PPFIA2: variants seen among roughly 807,000 people sequenced by gnomAD.
PPFIA2 encodes PPFI scaffold protein A2.
PPFIA2 carries 46 observed loss-of-function variants against 175.5 expected under a neutral mutation model. That is an observed-to-expected ratio of 0.26 (90% CI 0.21 to 0.34). PPFIA2 has a LOEUF of 0.34. Among genes scored for constraint, PPFIA2 ranks in the 10% least tolerant of loss-of-function variants. PPFIA2 has a pLI of 1.00. For missense variants in PPFIA2, 1,179 were observed against 1,506.1 expected (o/e 0.78, Z 3.60); for synonymous variants, 568 against 511.4 (o/e 1.11, Z -1.49).
chr12:81,273,430 CA>C (rs1203768130), intron 28 of PPFIA2, among the ~76,000 whole-genome samples: 6 of 152,104 alleles, frequency 3.9e-5, no homozygotes, highest in African/African-American at 1.4e-4. Context: ...CATAACCTCT[CA>C]AGTCTTGTCC....
intron 15 of PPFIA2, among the ~76,000 whole-genome samples, chr12:81,358,817 C>T (rs1430050743): frequency 1.3e-5 from 2 of 151,848 alleles, no homozygotes; most frequent in Non-Finnish European, 2.9e-5. Flanking sequence ...GGATATACTA[C>T]CAAAAGGATT....
chr12:81,347,890 CATCAA>C (rs2059335676), intron 17 of PPFIA2, 120 bp from the exon 18 acceptor site: 5 of 1,360,948 alleles, frequency 3.7e-6, no homozygotes, highest in Non-Finnish European at 4.8e-6. Context: ...GAACATTTTA[CATCAA>C]ATCTAATTTT....
intron 4 of PPFIA2, among the ~76,000 whole-genome samples, chr12:81,579,130 C>T (rs773899028): frequency 9.6e-4 from 146 of 151,786 alleles, no homozygotes; most frequent in South Asian, 1.0e-3. Flanking sequence ...TCTAATATTA[C>T]ATTTTTTGTA....
intron 7 of PPFIA2, among the ~76,000 whole-genome samples, chr12:81,410,600 C>T (rs1437531526): frequency 6.6e-6 from 1 of 152,018 alleles, no homozygotes; most frequent in African/African-American, 2.4e-5. Context: ...TGTCTGTTGA[C>T]ATTTGCTTTC....
intron 7 of PPFIA2, among the ~76,000 whole-genome samples, chr12:81,423,461 A>T (rs1257261339): frequency 6.6e-6 from 1 of 152,194 alleles, no homozygotes; most frequent in Non-Finnish European, 1.5e-5. Flanking sequence ...CAAATCAATC[A>T]ATATGATACA....
At chr12:81,512,399 G>T in intron 4 of PPFIA2, 1 of 1,267,960 alleles carries the variant, frequency 7.9e-7, no homozygotes, top group Non-Finnish European at 1.0e-6. Context: ...TCTAAACTTT[G>T]TGATGCTGGA....
At chr12:81,268,898 A>G (rs555594747) in intron 28 of PPFIA2, among the ~76,000 whole-genome samples, 2 of 152,368 alleles carry the variant, frequency 1.3e-5, no homozygotes, top group African/African-American at 2.4e-5. Flanking sequence ...ACAGAACGGT[A>G]AAATAATATA....
At chr12:81,676,904 G>A (rs894213423) in intron 3 of PPFIA2, 60 bp from the exon 4 acceptor site, 13 of 1,186,928 alleles carry the variant, frequency 1.1e-5, no homozygotes, top group Non-Finnish European at 1.5e-5. Flanking sequence ...GAATCCCCCA[G>A]TCCCACAGTG....
At chr12:81,562,090 C>T (rs2070223952) in intron 4 of PPFIA2, among the ~76,000 whole-genome samples, 1 of 152,070 alleles carries the variant, frequency 6.6e-6, no homozygotes, top group Non-Finnish European at 1.5e-5. Context: ...TTTGTTGTCT[C>T]TTAAAAAGAT....
intron 4 of PPFIA2, among the ~76,000 whole-genome samples, chr12:81,575,005 A>G (rs1267343243): frequency 2.6e-5 from 4 of 151,862 alleles, no homozygotes; most frequent in Admixed American, 6.6e-5. Context: ...CTGTGAAGCA[A>G]AAGAACACAC....
chr12:81,581,054 G>A (rs2074328473), intron 4 of PPFIA2, among the ~76,000 whole-genome samples: 1 of 151,556 alleles, frequency 6.6e-6, no homozygotes, highest in Non-Finnish European at 1.5e-5. Context: ...TGAAGAAACA[G>A]TGAGATTTTA....
At chr12:81,348,831 T>A (rs1413809986) in intron 17 of PPFIA2, among the ~76,000 whole-genome samples, 1 of 152,170 alleles carries the variant, frequency 6.6e-6, no homozygotes, top group Non-Finnish European at 1.5e-5. Flanking sequence ...CTATACACAT[T>A]TTGTATGTTG....
chr12:81,357,006 A>G (rs1274052839), intron 16 of PPFIA2, among the ~76,000 whole-genome samples: 1 of 152,206 alleles, frequency 6.6e-6, no homozygotes, highest in Non-Finnish European at 1.5e-5. Flanking sequence ...GGCTGAGCAT[A>G]AAAGACAGAT....
rs570336895 is a variant in PPFIA2 at position 81,731,076 on chromosome 12, A to T, written c.249+22897T>A. On this transcript the variant is annotated intron_variant, in intron 3 of 32. Coordinates refer to ENST00000549396, the MANE Select transcript of PPFIA2 (RefSeq NM_003625.5). ...ACTGCCAGAGCTTCCACACACTAAC[A>T]TCACTTCCACTGCTACGCACTACCC... Among the ~76,000 whole-genome samples the T allele has an allele frequency of 4.0e-5, 6 of 151,740 alleles. No individual in the cohort carries two copies. The South Asian group carries it at 1.2e-3, about 32-fold the overall frequency.
intron 4 of PPFIA2, among the ~76,000 whole-genome samples, chr12:81,546,724 T>G (rs1030974825): frequency 1.1e-4 from 17 of 151,944 alleles, no homozygotes; most frequent in African/African-American, 4.1e-4. Flanking sequence ...TGACTTTCTC[T>G]TACCTCTTTT....
intron 15 of PPFIA2, among the ~76,000 whole-genome samples, chr12:81,361,233 G>A (rs561871754): frequency 6.6e-6 from 1 of 151,444 alleles, no homozygotes; most frequent in Admixed American, 6.6e-5. Flanking sequence ...CAAGGAAATG[G>A]CCATTTATTC....
At chr12:81,547,635 T>C (rs2067207905) in intron 4 of PPFIA2, among the ~76,000 whole-genome samples, 1 of 152,056 alleles carries the variant, frequency 6.6e-6, no homozygotes, top group Non-Finnish European at 1.5e-5. Flanking sequence ...GTGCTACATT[T>C]AATTTGAAGA....
At chr12:81,259,838 C>A in intron 32 of PPFIA2, 178 bp from the exon 33 acceptor site, 1 of 449,286 alleles carries the variant, frequency 2.2e-6, no homozygotes, top group Non-Finnish European at 3.9e-6. Flanking sequence ...TGCTTTTCTC[C>A]AATTTGGTGC....
At chr12:81,580,205 G>A (rs2074198028) in intron 4 of PPFIA2, among the ~76,000 whole-genome samples, 2 of 151,776 alleles carry the variant, frequency 1.3e-5, no homozygotes, top group Non-Finnish European at 1.5e-5. Flanking sequence ...GCCTCATGAT[G>A]GGTTCTTTAC....
Sources: allele counts gnomAD v4.1 joint callset (sites outside exome capture counted in the v4.1 genomes callset), GRCh38; gene constraint gnomAD v4.1.1; transcripts MANE v1.5; gene names NCBI Gene and HGNC (gene_info 2026-07-23, HGNC 2026-07-21).